Variants in SOWAHB observed in about 807,000 individuals in gnomAD.
SOWAHB encodes the protein sosondowah ankyrin repeat domain family member B, also known as ankyrin repeat domain-containing protein SOWAHB.
SOWAHB carries 17 observed loss-of-function variants against 18.3 expected under a neutral mutation model. The ratio of observed to expected loss-of-function variants is 0.93; its 90% confidence interval spans 0.64 to 1.40. The LOEUF (loss-of-function observed/expected upper bound fraction) is 1.40, where lower values mean the gene tolerates loss of function less well. SOWAHB is among the 40% of genes most tolerant of loss of function. The pLI is 0.00. For synonymous variants in SOWAHB, 496 were observed against 448.1 expected (o/e 1.11, Z -1.35); for missense variants, 1,126 against 1,033.7 (o/e 1.09, Z -1.22).
In SOWAHB at chr4:76,895,437, G is replaced by A; in HGVS notation, c.*31C>T. The A allele has an allele frequency of 6.5e-7, 1 of 1,541,422 alleles. No homozygotes were observed. The highest frequency in any genetic ancestry group is 8.8e-7 in the Non-Finnish European group (1 of 1,138,886). On this transcript the variant is annotated 3_prime_UTR_variant, in exon 1 of 1. Transcript: ENST00000334306. ...CTCTCACTGAGCAGGATGAGGGAGT[G>A]CTGCCTGCATGTTGGACAGAGAGAC... is the stretch of plus-strand genomic sequence containing the variant.
Position 76,895,440 on chromosome 4 carries a change from G to T in SOWAHB, c.*28C>A. The T allele has an allele frequency of 3.2e-6, 5 of 1,546,532 alleles. No homozygotes were observed. The highest frequency in any genetic ancestry group is 1.7e-4 in the Middle Eastern group (1 of 5,744). On this transcript the variant is annotated 3_prime_UTR_variant, in exon 1 of 1. Transcript: ENST00000334306. Reference sequence around the variant, plus strand: ...TCACTGAGCAGGATGAGGGAGTGCTGCCTGCATGTTGGACAGAGAGACCCA... The same window carrying T: ...TCACTGAGCAGGATGAGGGAGTGCTTCCTGCATGTTGGACAGAGAGACCCA...
At position 76,896,098 on chromosome 4, in the gene SOWAHB, A is replaced by G. The variant is rs1469369290; in HGVS notation, c.1752T>C (p.Ser584=). ...GTGGAACCAGGGATGATTTGTGCTCAGAAGTTCTGTGGGGGGCCAAGGCTG... is the reference window on the plus strand; with the variant it reads ...GTGGAACCAGGGATGATTTGTGCTCGGAAGTTCTGTGGGGGGCCAAGGCTG... ...GSAALAPHRT[S]EHKSSLVPLD... The change falls in exon 1 of 1, where the codon TCT becomes TCC. Residue 584 remains serine, a synonymous_variant. Coordinates refer to ENST00000334306, the MANE Select transcript of SOWAHB (RefSeq NM_001029870.3). 2 of 1,584,520 alleles carry G rather than the reference A, an allele frequency of 1.3e-6. No homozygotes were observed. The highest frequency in any genetic ancestry group is 1.7e-6 in the Non-Finnish European group (2 of 1,166,012).
chr4:76,895,189 G>T lies in SOWAHB; in HGVS notation c.*279C>A. 1 of 343,036 alleles carries T rather than the reference G, an allele frequency of 2.9e-6. No individual in the cohort carries two copies. The highest frequency in any genetic ancestry group is 5.3e-6 in the Non-Finnish European group (1 of 189,294). 21.2% of individuals were successfully genotyped at this position (343,036 alleles called of 1,614,324 possible). On this transcript the variant is annotated 3_prime_UTR_variant, in exon 1 of 1. Coordinates refer to ENST00000334306, the MANE Select transcript of SOWAHB (RefSeq NM_001029870.3). ...GAAACAATATGGCTTACTGTGCCCA[G>T]CTCCATGGTGGCAAGGGAAGAGGAA... is the stretch of plus-strand genomic sequence containing the variant.
rs867195726 is a variant in SOWAHB at position 76,895,929 on chromosome 4, G to A, written c.1921C>T (p.His641Tyr). The change falls in exon 1 of 1, where the codon CAT becomes TAT. Residue 641 changes from histidine to tyrosine, a missense_variant. Physicochemically the swap from His to Tyr is moderately conservative, Grantham distance 83. Coordinates refer to ENST00000334306, the MANE Select transcript of SOWAHB (RefSeq NM_001029870.3). The stretch of plus-strand genomic sequence containing the variant: ...TCCTGAAGGGCCCTGAGGTCACCAT[G>A]TTTGGCTATCCAGTGCAACGCAGTG... ...GYTALHWIAK[H>Y]GDLRALQDLV... 1 of 1,614,122 alleles carries A rather than the reference G, an allele frequency of 6.2e-7. No individual in the cohort carries two copies. The highest frequency in any genetic ancestry group is 8.5e-7 in the Non-Finnish European group (1 of 1,180,044).
In SOWAHB at chr4:76,895,599, C is replaced by T. The variant is rs373671816; in HGVS notation, c.2251G>A (p.Glu751Lys). 6.2e-7 allele frequency: 1 copy of T among 1,614,200 alleles called. No homozygotes were observed. Among genetic ancestry groups the T allele is most frequent in the South Asian group, 1.1e-5 (1 of 91,076 alleles). The change falls in exon 1 of 1, where the codon GAA becomes AAA. Residue 751 changes from glutamate (E) to lysine (K), a missense_variant. By Grantham distance (56) the Glu-to-Lys change is moderately conservative. Transcript: ENST00000334306. ...SSPTRKAKSK[E>K]ISRSVTRKTS... ...TTTCGGGTGACACTTCTAGATATTT[C>T]CTTGCTCTTGGCCTTTCTGGTAGGG... is the stretch of plus-strand genomic sequence containing the variant.
In SOWAHB at chr4:76,895,009, C is replaced by T. The variant is rs1719876286; in HGVS notation, c.*459G>A. 6.5e-6 allele frequency: 1 copy of T among 153,772 alleles called. No homozygotes were observed. 9.5% of individuals were successfully genotyped at this position (153,772 alleles called of 1,614,324 possible). A position where few individuals can be genotyped will look rare whatever the true frequency, so the allele number is the denominator to read the frequency against. ...ATCTGATTTCAAACCTGGTGCTTCC[C>T]ACTGTCAGCCAAGATTTATTCTTCA... On this transcript the variant is annotated 3_prime_UTR_variant, in exon 1 of 1. Transcript: ENST00000334306.
Position 76,897,714 on chromosome 4 carries a change from G to T in SOWAHB, c.136C>A (p.His46Asn). 6.2e-7 allele frequency: 1 copy of T among 1,610,828 alleles called. No homozygotes were observed. Residue 46 changes from histidine to asparagine, a missense_variant, in exon 1 of 1, where the codon CAC becomes AAC. Coordinates refer to ENST00000334306, the MANE Select transcript of SOWAHB (RefSeq NM_001029870.3). The surrounding 1 kb of genome is among the most constrained non-coding windows in gnomAD (Gnocchi z 6.4). ...DPDASPSQHQ[H>N]RRELFKGFVN... The stretch of plus-strand genomic sequence containing the variant: ...AAGCCCTTGAAGAGCTCGCGGCGGT[G>T]CTGGTGCTGGCTGGGGGACGCGTCG...
In SOWAHB at chr4:76,897,724, G is replaced by T; in HGVS notation, c.126C>A (p.Ser42Arg). 6.2e-7 allele frequency: 1 copy of T among 1,610,324 alleles called. No homozygotes were observed. Among genetic ancestry groups the T allele is most frequent in the East Asian group, 2.2e-5 (1 of 44,848 alleles). Residue 42 changes from serine (S) to arginine (R), a missense_variant, in exon 1 of 1, where the codon AGC (serine) becomes AGA (arginine). Transcript: ENST00000334306. This position sits in a 1 kb window ranked among gnomAD's most constrained non-coding sequence, Gnocchi z 6.4. Reference protein sequence around the residue: ...SFLRDPDASPSQHQHRRELFK... With the variant: ...SFLRDPDASPRQHQHRRELFK... ...AGAGCTCGCGGCGGTGCTGGTGCTGGCTGGGGGACGCGTCGGGGTCTCGGA... is the reference window on the plus strand; with the variant it reads ...AGAGCTCGCGGCGGTGCTGGTGCTGTCTGGGGGACGCGTCGGGGTCTCGGA...
At position 76,897,637 on chromosome 4, in the gene SOWAHB, C is replaced by A. The variant is rs1248702030; in HGVS notation, c.213G>T (p.Val71=). 1.2e-6 allele frequency: 2 copies of A among 1,612,114 alleles called. No homozygotes were observed. The highest frequency in any genetic ancestry group is 2.7e-5 in the African/African-American group (2 of 74,904). ...GGTCCCTGTATCTCCTCTTGAGCAC[C>A]ACGTACTTGGTGCCGTCGGGGTCCT... ...VRQDPDGTKY[V]VLKRRYRDLL... is the part of the protein sequence containing the mutation. Residue 71 remains valine (V), a synonymous_variant, in exon 1 of 1, where the codon GTG becomes GTT. Coordinates refer to ENST00000334306, the MANE Select transcript of SOWAHB (RefSeq NM_001029870.3). The surrounding 1 kb of genome is among the most constrained non-coding windows in gnomAD (Gnocchi z 6.4).
Position 76,894,851 on chromosome 4 carries a change from C to G in SOWAHB, c.*617G>C, listed in dbSNP as rs1184610126. 6.6e-6 allele frequency: 1 copy of G among 152,204 alleles called. No homozygotes were observed. Among genetic ancestry groups the G allele is most frequent in the African/African-American group, 2.4e-5 (1 of 41,446 alleles). 9.4% of individuals were successfully genotyped at this position (152,204 alleles called of 1,614,324 possible). Reference sequence around the variant, plus strand: ...CCCAAAGGAGGCATTAATCATTTTACCCATTAACCACCATGCATGGAATTC... The same window carrying G: ...CCCAAAGGAGGCATTAATCATTTTAGCCATTAACCACCATGCATGGAATTC... On this transcript the variant is annotated 3_prime_UTR_variant, in exon 1 of 1. Coordinates refer to ENST00000334306, the MANE Select transcript of SOWAHB (RefSeq NM_001029870.3).
Position 76,897,505 on chromosome 4 carries a change from C to T in SOWAHB, c.345G>A (p.Pro115=). 2.1e-6 allele frequency: 3 copies of T among 1,426,368 alleles called. No homozygotes were observed. Among genetic ancestry groups the T allele is most frequent in the East Asian group, 3.0e-5 (1 of 33,398 alleles). 88.4% of individuals were successfully genotyped at this position (1,426,368 alleles called of 1,614,324 possible). ...GCCGCCGCCTGGGCTGCTGCTGGGG[C>T]GGCTCCCCCCGGCGCGCGCCTCGCG... ...CSPRGARRGE[P]PQQQPRRRRR... The change falls in exon 1 of 1, where the codon CCG becomes CCA. Residue 115 remains proline (P), a synonymous_variant. Transcript: ENST00000334306. The surrounding 1 kb of genome is among the most constrained non-coding windows in gnomAD (Gnocchi z 6.4).
Position 76,894,371 on chromosome 4 carries a change from T to A in SOWAHB, c.*1097A>T, listed in dbSNP as rs1719861426. Among the ~76,000 whole-genome samples, 1 of 152,348 alleles carries A rather than the reference T, an allele frequency of 6.6e-6. No individual in the cohort carries two copies. Among genetic ancestry groups the A allele is most frequent in the African/African-American group, 2.4e-5 (1 of 41,590 alleles). On this transcript the variant is annotated 3_prime_UTR_variant, in exon 1 of 1. Transcript: ENST00000334306. ...ATAGACTAGCCATTTTCTCACTCCA[T>A]GAACTCACAAGTTATCGGTCTCTTC...
At position 76,896,704 on chromosome 4, in the gene SOWAHB, A is replaced by G; in HGVS notation, c.1146T>C (p.Phe382=). The G allele has an allele frequency of 6.2e-7, 1 of 1,613,990 alleles. No individual in the cohort carries two copies. Residue 382 remains phenylalanine (F), a synonymous_variant, in exon 1 of 1, where the codon TTT becomes TTC. Coordinates refer to ENST00000334306, the MANE Select transcript of SOWAHB (RefSeq NM_001029870.3). ...GGGACAGCTGACAACGAATGCTGCG[A>G]AAGACAGTCAATGAAGGGTTCCCCG... ...SWAGNPSLTV[F]RSIRCQLSLQ...
rs997327814 is a variant in SOWAHB, at chr4:76,895,336, T to G, written c.*132A>C. ...AGGTCCAGGATGTAGTGACATAAGATCCAGGGAGGTCAACACCATCTCACT... is the reference window on the plus strand; with the variant it reads ...AGGTCCAGGATGTAGTGACATAAGAGCCAGGGAGGTCAACACCATCTCACT... On this transcript the variant is annotated 3_prime_UTR_variant, in exon 1 of 1. Transcript: ENST00000334306. 3.5e-6 allele frequency: 3 copies of G among 852,026 alleles called. No homozygotes were observed. The highest frequency in any genetic ancestry group is 5.4e-6 in the Non-Finnish European group (3 of 555,174). 52.8% of individuals were successfully genotyped at this position (852,026 alleles called of 1,614,324 possible). A position where few individuals can be genotyped will look rare whatever the true frequency, so the allele number is the denominator to read the frequency against.
chr4:76,897,154 C>T lies in SOWAHB; in HGVS notation c.696G>A (p.Gln232=), dbSNP rs754909347. 1.3e-6 allele frequency: 2 copies of T among 1,557,334 alleles called. No homozygotes were observed. Among genetic ancestry groups the T allele is most frequent in the Non-Finnish European group, 1.7e-6 (2 of 1,158,760 alleles). The change falls in exon 1 of 1, where the codon CAG becomes CAA. Residue 232 remains glutamine, a synonymous_variant. Coordinates refer to ENST00000334306, the MANE Select transcript of SOWAHB (RefSeq NM_001029870.3). This position sits in a 1 kb window ranked among gnomAD's most constrained non-coding sequence, Gnocchi z 6.4. ...GCTCCCTGGAAGCCCCGCGGTCATCCTGGGCAGGCAGAGCCCGTGCCGGCT... is the reference window on the plus strand; with the variant it reads ...GCTCCCTGGAAGCCCCGCGGTCATCTTGGGCAGGCAGAGCCCGTGCCGGCT... ...EEKPARALPA[Q]DDRGASRERE... is the part of the protein sequence containing the mutation.
In SOWAHB at chr4:76,898,132, C is replaced by T. The variant is rs1190601034; in HGVS notation, c.-283G>A. ...ACTCTAGCCTCTCGCAACGAGTCCT[C>T]ACAGCGAAAGTTCCCGGGATAGGGC... On this transcript the variant is annotated 5_prime_UTR_variant, in exon 1 of 1. Transcript: ENST00000334306. 1 of 420,658 alleles carries T rather than the reference C, an allele frequency of 2.4e-6. No homozygotes were observed. Among genetic ancestry groups the T allele is most frequent in the African/African-American group, 2.1e-5 (1 of 47,232 alleles). 26.1% of individuals were successfully genotyped at this position (420,658 alleles called of 1,614,324 possible).
In SOWAHB at chr4:76,894,775, T is replaced by C. The variant is rs990434633; in HGVS notation, c.*693A>G. Among the ~76,000 whole-genome samples the C allele has an allele frequency of 6.6e-6, 1 of 151,826 alleles. No individual in the cohort carries two copies. The highest frequency in any genetic ancestry group is 1.5e-5 in the Non-Finnish European group (1 of 67,972). On this transcript the variant is annotated 3_prime_UTR_variant, in exon 1 of 1. Coordinates refer to ENST00000334306, the MANE Select transcript of SOWAHB (RefSeq NM_001029870.3). ...ACAGTCATTCCTCTTAGGAATGGAG[T>C]CCAAGTCATAACTGGATCTTACCCA...
Position 76,897,742 on chromosome 4 carries a change from G to A in SOWAHB, c.108C>T (p.Asp36=). 1.9e-6 allele frequency: 3 copies of A among 1,609,092 alleles called. No individual in the cohort carries two copies. The highest frequency in any genetic ancestry group is 2.5e-6 in the Non-Finnish European group (3 of 1,179,894). The change falls in exon 1 of 1, where the codon GAC becomes GAT. Residue 36 remains aspartate, a synonymous_variant. Transcript: ENST00000334306. The surrounding 1 kb of genome is among the most constrained non-coding windows in gnomAD (Gnocchi z 6.4). ...GGTGCTGGCTGGGGGACGCGTCGGG[G>A]TCTCGGAGAAAGCTCTTGAAGTGGC... The part of the protein sequence containing the change: ...LLSHFKSFLR[D]PDASPSQHQH...
In SOWAHB at chr4:76,894,568, T is replaced by G. The variant is rs1191589362; in HGVS notation, c.*900A>C. ...ACTGTTTCCCCAGAGTGAAATCATTTCTCTCTTTTTATGAGTACAAACGTT... is the reference window on the plus strand; with the variant it reads ...ACTGTTTCCCCAGAGTGAAATCATTGCTCTCTTTTTATGAGTACAAACGTT... On this transcript the variant is annotated 3_prime_UTR_variant, in exon 1 of 1. Coordinates refer to ENST00000334306, the MANE Select transcript of SOWAHB (RefSeq NM_001029870.3). 1.3e-5 allele frequency among the ~76,000 whole-genome samples: 2 copies of G among 152,228 alleles called. No homozygotes were observed. Among genetic ancestry groups the G allele is most frequent in the Non-Finnish European group, 2.9e-5 (2 of 68,040 alleles).
Sources: allele counts gnomAD v4.1 joint callset (sites outside exome capture counted in the v4.1 genomes callset), GRCh38; gene constraint gnomAD v4.1.1; non-coding constraint Gnocchi (gnomAD v3.1); transcripts MANE v1.5; gene names NCBI Gene and HGNC (gene_info 2026-07-23, HGNC 2026-07-21).